Variants in DST observed in about 807,000 individuals in gnomAD.
DST encodes the protein bullous pemphigoid antigen.
Under a neutral mutation model 875.2 loss-of-function variants are expected in DST, and 253 were observed. The observed-to-expected ratio is 0.29, with a 90% CI of 0.26 to 0.32. DST has a LOEUF of 0.32. DST is among the 10% of genes least tolerant of loss of function. The probability of loss-of-function intolerance (pLI) is 1.00; values close to 1 mark genes in which losing one functional copy is unlikely to be tolerated. For missense variants in DST, 8,287 were observed against 9,111.6 expected (o/e 0.91, Z 3.68); for synonymous variants, 3,124 against 3,197.1 (o/e 0.98, Z 0.77).
chr6:56,458,194 A>T lies in DST; in HGVS notation c.*811T>A, dbSNP rs1022073568. 6.6e-6 allele frequency: 1 copy of T among 152,664 alleles called. No individual in the cohort carries two copies. Among genetic ancestry groups the T allele is most frequent in the African/African-American group, 2.4e-5 (1 of 41,466 alleles). The allele number at this position is 152,664 out of a possible 1,614,324, so 9.5% of individuals were successfully genotyped here. On this transcript the variant is annotated 3_prime_UTR_variant, in exon 104 of 104. Coordinates refer to ENST00000680361, the MANE Select transcript of DST (RefSeq NM_001374736.1). ...CCAAATTGATATTGCTCATAAAAAA[A>T]TACACTAGTTTTCCCTGGGGAAAAA...
At chr6:56,898,467 T>A (rs930401713) in intron 3 of DST, among the ~76,000 whole-genome samples, 1 of 152,226 alleles carries the variant, frequency 6.6e-6, no homozygotes, top group Non-Finnish European at 1.5e-5. Flanking sequence ...GTCACTTACT[T>A]CTCAATCCTG....
chr6:56,572,320 G>C, intron 52 of DST, 54 bp from the exon 53 acceptor site: 26 of 1,296,404 alleles, frequency 2.0e-5, no homozygotes, highest in Non-Finnish European at 2.7e-5. Flanking sequence ...TCTTCAAATG[G>C]CATTCCATCC....
At chr6:56,717,054 G>A (rs1228313963) in intron 5 of DST, among the ~76,000 whole-genome samples, 2 of 152,040 alleles carry the variant, frequency 1.3e-5, no homozygotes, top group Non-Finnish European at 2.9e-5. Flanking sequence ...GTGGTAGCAG[G>A]CGCCTGTAGT....
intron 54 of DST, 149 bp downstream of exon 54, chr6:56,569,707 T>A (rs1230882073): frequency 1.9e-6 from 1 of 530,444 alleles, no homozygotes; most frequent in Non-Finnish European, 3.0e-6. Context: ...TTAAGCCCCA[T>A]GCCATGATTT....
intron 82 of DST, among the ~76,000 whole-genome samples, chr6:56,495,225 A>G (rs1343932902): frequency 6.6e-6 from 1 of 151,972 alleles, no homozygotes; most frequent in East Asian, 1.9e-4. Flanking sequence ...TAAGTTTTGT[A>G]CTTTTCTTCA....
At chr6:56,735,545 A>G (rs1485832485) in intron 4 of DST, among the ~76,000 whole-genome samples, 1 of 125,676 alleles carries the variant, frequency 8.0e-6, no homozygotes, top group Non-Finnish European at 1.7e-5. Context: ...CCTCTGTCCC[A>G]TAACCCCTCA....
At chr6:56,689,369 T>C (rs1197454313) in intron 9 of DST, among the ~76,000 whole-genome samples, 1 of 152,156 alleles carries the variant, frequency 6.6e-6, no homozygotes, top group East Asian at 1.9e-4. Context: ...AGGCCCGTAG[T>C]CCACATTGCT....
chr6:56,598,108 G>A (rs1296521578), intron 46 of DST, 102 bp from the exon 47 acceptor site: 1 of 1,159,828 alleles, frequency 8.6e-7, no homozygotes, highest in African/African-American at 1.6e-5. Flanking sequence ...ATTAGAATGA[G>A]GGTACTAAAA....
In DST at chr6:56,561,289, G is replaced by A. The variant is rs375907252; in HGVS notation, c.14310+19C>T. ...CCATTCTCTTTCATGTCTTCCATAG[G>A]TGCACCCACAGAATATACCTTATTC... On this transcript the variant is annotated intron_variant, in intron 57 of 103. Transcript: ENST00000680361. 2.8e-5 allele frequency: 45 copies of A among 1,595,592 alleles called. No homozygotes were observed. In the African/African-American group the frequency reaches 5.2e-4, roughly 18 times the overall value.
intron 2 of DST, among the ~76,000 whole-genome samples, chr6:56,928,195 C>A (rs1177856875): frequency 6.8e-6 from 1 of 147,730 alleles, no homozygotes; most frequent in African/African-American, 2.4e-5. Flanking sequence ...AGGTGAGATA[C>A]CCCTACTGGG....
chr6:56,537,844 T>A (rs1271078730), intron 61 of DST, among the ~76,000 whole-genome samples: 2 of 152,238 alleles, frequency 1.3e-5, no homozygotes, highest in African/African-American at 4.8e-5. Flanking sequence ...TTCTATGACC[T>A]GGGCCTACCA....
Position 56,552,955 on chromosome 6 carries a change from T to C in DST, c.15837A>G (p.Gln5279=), listed in dbSNP as rs2152555692. 6.2e-7 allele frequency: 1 copy of C among 1,614,048 alleles called. No homozygotes were observed. The part of the protein sequence containing the change: ...ENMTQKFKEF[Q]EVSKESKRQL... ...GCCTTTTAGATTCTTTGGAAACTTC[T>C]TGAAATTCTTTAAACTTCTGAGTCA... The change falls in exon 61 of 104, where the codon CAA becomes CAG. Residue 5279 remains glutamine (Q), a synonymous_variant. Transcript: ENST00000680361.
chr6:56,833,374 T>A (rs1047561510), intron 4 of DST, among the ~76,000 whole-genome samples: 1 of 152,200 alleles, frequency 6.6e-6, no homozygotes, highest in Non-Finnish European at 1.5e-5. Context: ...CAAATTACCA[T>A]AACAAAACTT....
At chr6:56,508,328 A>G (rs1477618981) in intron 75 of DST, among the ~76,000 whole-genome samples, 1 of 152,118 alleles carries the variant, frequency 6.6e-6, no homozygotes, top group Non-Finnish European at 1.5e-5. Context: ...GCCACCACGC[A>G]GGCCTGAGAA....
chr6:56,939,906 A>G (rs1350488045), intron 2 of DST, among the ~76,000 whole-genome samples: 1 of 151,824 alleles, frequency 6.6e-6, no homozygotes, highest in African/African-American at 2.4e-5. Context: ...GGCACCTGTA[A>G]TCCCACCTAC....
chr6:56,654,859 A>T (rs1351658839), intron 10 of DST, among the ~76,000 whole-genome samples: 1 of 152,094 alleles, frequency 6.6e-6, no homozygotes, highest in East Asian at 1.9e-4. Context: ...TTCTACAGTG[A>T]TATAAATGGC....
At chr6:56,766,036 T>C (rs1338834553) in intron 4 of DST, among the ~76,000 whole-genome samples, 1 of 152,194 alleles carries the variant, frequency 6.6e-6, no homozygotes, top group Non-Finnish European at 1.5e-5. Context: ...TTAGTATTCT[T>C]ACACTACAGC....
intron 49 of DST, among the ~76,000 whole-genome samples, chr6:56,584,626 C>A (rs2098106578): frequency 6.6e-6 from 1 of 151,632 alleles, no homozygotes; most frequent in African/African-American, 2.4e-5. Context: ...ACTTCCAACA[C>A]TATGTTGAAT....
chr6:56,608,666 T>C lies in DST; in HGVS notation c.5962A>G (p.Ser1988Gly). The C allele has an allele frequency of 6.2e-7, 1 of 1,613,242 alleles. No individual in the cohort carries two copies. Among genetic ancestry groups the C allele is most frequent in the South Asian group, 1.1e-5 (1 of 90,952 alleles). Reference protein sequence around the residue: ...IDRETMFRLLSAQLLSGGLIN... With the variant: ...IDRETMFRLLGAQLLSGGLIN... ...AGACCTCCAGAAAGAAGCTGTGCAC[T>C]TAACAACCTAAACATGGTTTCACGG... is the stretch of plus-strand genomic sequence containing the variant. Residue 1988 changes from serine (S) to glycine (G), a missense_variant, in exon 40 of 104, where the codon AGT becomes GGT. Around this residue, in one of 10 missense-constraint regions of DST, gnomAD observed 3,138 missense variants for 3,116.6 expected, o/e 1.01. Coordinates refer to ENST00000680361, the MANE Select transcript of DST (RefSeq NM_001374736.1).
Sources: gnomAD v4.1 joint callset for allele counts (sites outside exome capture counted in the v4.1 genomes callset) on GRCh38, gnomAD v4.1.1 for gene constraint, gnomAD v4.1.1 regional missense constraint, MANE v1.5 for transcripts, NCBI Gene and HGNC (gene_info 2026-07-23, HGNC 2026-07-21) for gene names.